Variants in VEGFC observed in about 807,000 individuals in gnomAD.
The protein encoded by VEGFC is FLT4 ligand DHM.
A neutral mutation model predicts 46.1 loss-of-function variants in VEGFC; 12 were observed. The ratio of observed to expected loss-of-function variants is 0.26; its 90% CI spans 0.17 to 0.42. VEGFC has a LOEUF of 0.42. Among genes scored for constraint, VEGFC ranks in the 10% least tolerant of loss-of-function variants. The pLI, the probability that VEGFC is intolerant of heterozygous loss-of-function variation, is 1.00. For missense variants in VEGFC, 488 were observed against 529.4 expected (o/e 0.92, Z 0.77); for synonymous variants, 232 against 195.5 (o/e 1.19, Z -1.56).
chr4:176,784,756 C>CAA (rs5864405), intron 1 of VEGFC, among the ~76,000 whole-genome samples: 89 of 22,920 alleles, frequency 3.9e-3, no homozygotes, highest in Admixed American at 6.8e-3. Context: ...GAGTCTGTCT[C>CAA]AAAAAAAAAA....
At chr4:176,762,717 T>C (rs575261748) in intron 1 of VEGFC, among the ~76,000 whole-genome samples, 2 of 152,290 alleles carry the variant, frequency 1.3e-5, no homozygotes, top group East Asian at 1.9e-4. Context: ...TATAAAGATC[T>C]ATTAAGAAGG....
At chr4:176,744,311 G>C (rs1735224551) in intron 1 of VEGFC, among the ~76,000 whole-genome samples, 1 of 151,686 alleles carries the variant, frequency 6.6e-6, no homozygotes, top group African/African-American at 2.4e-5. Context: ...AGAGTGCTCA[G>C]AACATCTAGA....
At chr4:176,704,664 C>G (rs1734494883) in intron 4 of VEGFC, among the ~76,000 whole-genome samples, 1 of 152,110 alleles carries the variant, frequency 6.6e-6, no homozygotes, top group South Asian at 2.1e-4. Context: ...CGTTTTGCTT[C>G]CTCTAATCCA....
chr4:176,783,249 C>T (rs1044696839), intron 1 of VEGFC, among the ~76,000 whole-genome samples: 1 of 152,214 alleles, frequency 6.6e-6, no homozygotes, highest in Non-Finnish European at 1.5e-5. Flanking sequence ...GGAAGAGGGT[C>T]CCTTAGGAAC....
Position 176,768,491 on chromosome 4 carries a change from CATAT to C in VEGFC, c.147+23670_147+23673del, listed in dbSNP as rs145504348. On this transcript the variant is annotated intron_variant, in intron 1 of 6. Transcript: ENST00000618562. ...CTGCCAAGTAAGAGGATGTTTTATA[CATAT>C]ATATATATATATATATATTTCAAAT... is the stretch of plus-strand genomic sequence containing the variant. Among the ~76,000 whole-genome samples, 301 of 100,562 alleles carry C rather than the reference CATAT, an allele frequency of 3.0e-3. 1 individual carries two copies. Among genetic ancestry groups the C allele is most frequent in the Middle Eastern group, 0.014 (2 of 148 alleles). The allele number at this position is 100,562 out of a possible 152,430, so 66.0% of individuals were successfully genotyped here. A position where few individuals can be genotyped will look rare whatever the true frequency, so the allele number is the denominator to read the frequency against.
intron 1 of VEGFC, among the ~76,000 whole-genome samples, chr4:176,745,123 C>T (rs1417541224): frequency 2.0e-5 from 3 of 152,026 alleles, no homozygotes; most frequent in Non-Finnish European, 4.4e-5. Flanking sequence ...AGCCACTTAT[C>T]CTTAGGGACT....
intron 3 of VEGFC, among the ~76,000 whole-genome samples, chr4:176,716,353 G>C (rs1366079563): frequency 6.6e-6 from 1 of 151,810 alleles, no homozygotes; most frequent in African/African-American, 2.4e-5. Context: ...GAGGTGGGAG[G>C]ATCACTTGAG....
intron 4 of VEGFC, among the ~76,000 whole-genome samples, chr4:176,693,004 C>A (rs373661332): frequency 2.6e-4 from 39 of 151,496 alleles, no homozygotes; most frequent in Admixed American, 1.6e-3. Flanking sequence ...GACCAAAAGT[C>A]GATAAAACCA....
rs373436555 is a variant in VEGFC at position 176,729,581 on chromosome 4, C to G, written c.313G>C (p.Glu105Gln). ...TGTGCTGCAGCAAATTTTATAGTCT[C>G]TTCTGTCCTTGAGTTGAGGTTGGCC... ...EQANLNSRTE[E>Q]TIKFAAAHYN... Residue 105 changes from glutamate (E) to glutamine (Q), a missense_variant, in exon 2 of 7, where the codon GAG (glutamate) becomes CAG (glutamine). Physicochemically the swap from Glu to Gln is conservative, Grantham distance 29. Coordinates refer to ENST00000618562, the MANE Select transcript of VEGFC (RefSeq NM_005429.5). The G allele has an allele frequency of 9.3e-6, 15 of 1,613,670 alleles. No individual in the cohort carries two copies. The highest frequency in any genetic ancestry group is 1.3e-5 in the Non-Finnish European group (15 of 1,179,904).
chr4:176,757,828 T>G (rs1404535813), intron 1 of VEGFC, among the ~76,000 whole-genome samples: 3 of 152,036 alleles, frequency 2.0e-5, no homozygotes, highest in Non-Finnish European at 4.4e-5. Flanking sequence ...ATTAACCTAA[T>G]TAAAGATTTG....
chr4:176,731,728 G>A (rs17063666), intron 1 of VEGFC, among the ~76,000 whole-genome samples: 2,621 of 151,926 alleles, frequency 0.017, 53 homozygotes, highest in Middle Eastern at 0.099. Context: ...CTAGCAAGAG[G>A]AGCTGCAATA....
At chr4:176,775,725 T>G (rs2110934800) in intron 1 of VEGFC, among the ~76,000 whole-genome samples, 1 of 152,364 alleles carries the variant, frequency 6.6e-6, no homozygotes, top group African/African-American at 2.4e-5. Flanking sequence ...GTTTAATTAC[T>G]TATTAATCTG....
intron 2 of VEGFC, 119 bp from the exon 3 acceptor site, chr4:176,728,087 A>G: frequency 2.8e-6 from 2 of 716,642 alleles, no homozygotes; most frequent in South Asian, 2.6e-5. Context: ...TCAATATATA[A>G]CTAAAGAGAC....
At chr4:176,716,860 A>T (rs1023917428) in intron 3 of VEGFC, among the ~76,000 whole-genome samples, 1 of 150,304 alleles carries the variant, frequency 6.7e-6, no homozygotes, top group South Asian at 2.1e-4. Flanking sequence ...TATTTTAAGA[A>T]AATATGAATC....
chr4:176,767,138 A>AAAC (rs1735641403), intron 1 of VEGFC, among the ~76,000 whole-genome samples: 1 of 149,428 alleles, frequency 6.7e-6, no homozygotes, highest in Non-Finnish European at 1.5e-5. Flanking sequence ...AAAAAAAAAA[A>AAAC]AAAAAACAAC....
chr4:176,765,290 T>C (rs896184707), intron 1 of VEGFC, among the ~76,000 whole-genome samples: 1 of 151,418 alleles, frequency 6.6e-6, no homozygotes, highest in Non-Finnish European at 1.5e-5. Context: ...AAAAAAAGCA[T>C]AATAGACATA....
At chr4:176,772,745 C>T (rs1735743026) in intron 1 of VEGFC, among the ~76,000 whole-genome samples, 1 of 152,124 alleles carries the variant, frequency 6.6e-6, no homozygotes, top group Non-Finnish European at 1.5e-5. Context: ...ATATAAAGTT[C>T]CACCTGTTCT....
intron 4 of VEGFC, among the ~76,000 whole-genome samples, chr4:176,700,187 TG>T (rs1734402293): frequency 6.6e-6 from 1 of 152,172 alleles, no homozygotes; most frequent in Non-Finnish European, 1.5e-5. Context: ...GAGGTCGAGA[TG>T]GGCAGATCAC....
intron 1 of VEGFC, among the ~76,000 whole-genome samples, chr4:176,762,062 T>C (rs776605364): frequency 6.6e-6 from 1 of 152,206 alleles, no homozygotes; most frequent in Non-Finnish European, 1.5e-5. Context: ...CTGAAGAGGC[T>C]CTGCCTGCAC....
Sources: allele counts gnomAD v4.1 joint callset (sites outside exome capture counted in the v4.1 genomes callset), GRCh38; gene constraint gnomAD v4.1.1; transcripts MANE v1.5; gene names NCBI Gene and HGNC (gene_info 2026-07-23, HGNC 2026-07-21).